The following ATP8B4 variants were observed in gnomAD, a reference collection of about 807,000 sequenced individuals.
ATP8B4 encodes the protein ATPase phospholipid transporting 8B4 (putative).
ATP8B4 carries 133 observed loss-of-function variants against 145.6 expected under a neutral mutation model. The ratio of observed to expected loss-of-function variants is 0.91; its 90% CI spans 0.79 to 1.05. The LOEUF (loss-of-function observed/expected upper bound fraction) is 1.05, where lower values mean the gene tolerates loss of function less well. Ranked by LOEUF, ATP8B4 falls within the 50% of genes least tolerant of loss-of-function variation. The pLI is 0.00. For synonymous variants in ATP8B4, 507 were observed against 492.9 expected (o/e 1.03, Z -0.38); for missense variants, 1,458 against 1,425.2 (o/e 1.02, Z -0.37).
chr15:49,993,871 TA>T (rs2153551581), intron 9 of ATP8B4, among the ~76,000 whole-genome samples: 1 of 152,216 alleles, frequency 6.6e-6, no homozygotes, highest in Non-Finnish European at 1.5e-5. Context: ...TATATAATCA[TA>T]AAAAAGAGAG....
intron 2 of ATP8B4, among the ~76,000 whole-genome samples, chr15:50,105,933 A>C (rs1307348880): frequency 1.3e-5 from 2 of 152,152 alleles, no homozygotes; most frequent in Non-Finnish European, 2.9e-5. Context: ...TTTACAGGAA[A>C]AAAAATGGGT....
At chr15:49,984,814 A>G (rs913814292) in intron 10 of ATP8B4, among the ~76,000 whole-genome samples, 4 of 152,094 alleles carry the variant, frequency 2.6e-5, no homozygotes, top group African/African-American at 9.7e-5. Flanking sequence ...CAAACAGAAG[A>G]CATCTAGGAC....
chr15:49,962,940 T>C (rs934621445), intron 13 of ATP8B4, among the ~76,000 whole-genome samples: 2 of 150,204 alleles, frequency 1.3e-5, no homozygotes, highest in Non-Finnish European at 2.9e-5. Flanking sequence ...ATAATAATAA[T>C]GAGTTACTTA....
intron 20 of ATP8B4, among the ~76,000 whole-genome samples, chr15:49,914,595 T>C (rs2039549369): frequency 6.6e-6 from 1 of 152,010 alleles, no homozygotes; most frequent in Non-Finnish European, 1.5e-5. Context: ...GGGAGTAATA[T>C]CTGGAATATA....
At chr15:50,106,859 A>G in intron 2 of ATP8B4, 80 bp downstream of exon 2, 5 of 1,401,814 alleles carry the variant, frequency 3.6e-6, no homozygotes, top group Non-Finnish European at 4.8e-6. Flanking sequence ...CTTTTTATAT[A>G]TAAATTAAAC....
At chr15:50,010,116 C>T (rs1017406596) in intron 7 of ATP8B4, among the ~76,000 whole-genome samples, 1 of 152,098 alleles carries the variant, frequency 6.6e-6, no homozygotes, top group African/African-American at 2.4e-5. Context: ...CACAAAATAG[C>T]ACTCAACACA....
intron 1 of ATP8B4, among the ~76,000 whole-genome samples, chr15:50,177,787 G>A (rs571689467): frequency 6.6e-6 from 1 of 152,308 alleles, no homozygotes; most frequent in Admixed American, 6.5e-5. Context: ...AGAAATTTTG[G>A]AGATGGGGCT....
intron 1 of ATP8B4, among the ~76,000 whole-genome samples, chr15:50,159,514 C>T (rs950795379): frequency 2.6e-5 from 4 of 152,148 alleles, no homozygotes; most frequent in Admixed American, 1.3e-4. Flanking sequence ...TTAAACAGTA[C>T]TTCCAGTACT....
intron 1 of ATP8B4, among the ~76,000 whole-genome samples, chr15:50,163,606 C>G (rs765293877): frequency 2.0e-4 from 30 of 152,186 alleles, no homozygotes; most frequent in Non-Finnish European, 3.8e-4. Flanking sequence ...CTGGGTGTCA[C>G]CCAAGGCCTA....
chr15:50,041,033 A>C (rs888910075), intron 5 of ATP8B4, among the ~76,000 whole-genome samples: 11 of 152,246 alleles, frequency 7.2e-5, no homozygotes, highest in Admixed American at 1.3e-4. Context: ...TCAAACTGTT[A>C]GTACATGGTA....
chr15:49,931,022 C>T (rs1187646502), intron 16 of ATP8B4, 97 bp downstream of exon 16: 65 of 1,332,396 alleles, frequency 4.9e-5, no homozygotes, highest in Admixed American at 6.9e-5. Flanking sequence ...AAAACTATCA[C>T]AACCCTCAGC....
At chr15:50,074,356 A>G (rs987251694) in intron 2 of ATP8B4, among the ~76,000 whole-genome samples, 171 bp from the exon 3 acceptor site, 5 of 152,178 alleles carry the variant, frequency 3.3e-5, no homozygotes, top group Non-Finnish European at 7.3e-5. Context: ...ATGTGTTGTA[A>G]AGTCCCAAAA....
intron 13 of ATP8B4, among the ~76,000 whole-genome samples, chr15:49,969,221 A>G (rs2044847403): frequency 6.6e-6 from 1 of 152,186 alleles, no homozygotes. Context: ...ATAACTAGAG[A>G]ATAAAGAGCA....
intron 14 of ATP8B4, among the ~76,000 whole-genome samples, chr15:49,943,190 A>G (rs2042299672): frequency 6.6e-6 from 1 of 152,142 alleles, no homozygotes; most frequent in Non-Finnish European, 1.5e-5. Flanking sequence ...AAAGAGAAAA[A>G]GAATGAAAAA....
intron 7 of ATP8B4, 132 bp from the exon 8 acceptor site, chr15:50,002,355 G>T (rs2047964969): frequency 1.5e-6 from 1 of 679,256 alleles, no homozygotes; most frequent in Non-Finnish European, 2.4e-6. Context: ...GTGAGATCCT[G>T]TTCTACCTCT....
At chr15:50,105,772 T>A (rs1172291914) in intron 2 of ATP8B4, among the ~76,000 whole-genome samples, 1 of 152,182 alleles carries the variant, frequency 6.6e-6, no homozygotes, top group African/African-American at 2.4e-5. Flanking sequence ...CATATACATA[T>A]GAATTACTGT....
At chr15:50,046,129 T>G (rs1292834011) in intron 4 of ATP8B4, among the ~76,000 whole-genome samples, 2 of 152,152 alleles carry the variant, frequency 1.3e-5, no homozygotes, top group African/African-American at 4.8e-5. Flanking sequence ...TGATCTTGGT[T>G]AAGCCAATTA....
rs1196261094 is a variant in ATP8B4 at position 49,891,290 on chromosome 15, T to C, written c.2697+6002A>G. On this transcript the variant is annotated intron_variant, in intron 23 of 27. Coordinates refer to ENST00000284509, the MANE Select transcript of ATP8B4 (RefSeq NM_024837.4). ...TCCTCACACATTTCTCCTTTCCCCA[T>C]GCTTTCAAATTACCTTTAAATACAA... Among the ~76,000 whole-genome samples the C allele has an allele frequency of 5.9e-5, 9 of 151,638 alleles. No homozygotes were observed. The East Asian group carries it at 1.7e-3, about 29-fold the overall frequency.
chr15:49,915,303 T>C (rs973857434), intron 20 of ATP8B4, among the ~76,000 whole-genome samples: 2 of 152,006 alleles, frequency 1.3e-5, no homozygotes, highest in Non-Finnish European at 2.9e-5. Flanking sequence ...ACTAGGAAGG[T>C]TGTATGGGTG....
Sources: allele counts gnomAD v4.1 joint callset (sites outside exome capture counted in the v4.1 genomes callset), GRCh38; gene constraint gnomAD v4.1.1; transcripts MANE v1.5; gene names NCBI Gene and HGNC (gene_info 2026-07-23, HGNC 2026-07-21).